TBCD: variants seen among roughly 807,000 people sequenced by gnomAD.
The protein encoded by TBCD is tubulin folding cofactor D.
In TBCD, 105 loss-of-function variants were observed where a neutral mutation model predicts 169.3. The observed-to-expected ratio is 0.62, with a 90% CI of 0.53 to 0.73. The LOEUF is 0.73. TBCD is among the 30% of genes least tolerant of loss of function. The probability of loss-of-function intolerance (pLI) is 0.00; values close to 1 mark genes in which losing one functional copy is unlikely to be tolerated. For synonymous variants in TBCD, 700 were observed against 643.9 expected (o/e 1.09, Z -1.32); for missense variants, 1,444 against 1,600.1 (o/e 0.90, Z 1.66).
chr17:82,904,977 A>G (rs1219969954), intron 19 of TBCD, among the ~76,000 whole-genome samples: 1 of 152,190 alleles, frequency 6.6e-6, no homozygotes, highest in Non-Finnish European at 1.5e-5. Context: ...CAGCCGCCAC[A>G]TCTTAGCCTC....
chr17:82,865,040 A>G (rs1484293819), intron 13 of TBCD, among the ~76,000 whole-genome samples: 1 of 152,208 alleles, frequency 6.6e-6, no homozygotes, highest in East Asian at 1.9e-4. Context: ...TGCTCCCTGC[A>G]GGCAGCTGAG....
At position 82,890,351 on chromosome 17, in the gene TBCD, C is replaced by T. The variant is rs773129833; in HGVS notation, c.1563+654C>T. ...ACCTGGGCGGGGAGCAAAGTTCCCA[C>T]GAGAAGTCAGCCGAGAAGGCTCTGG... On this transcript the variant is annotated intron_variant, in intron 16 of 38. Coordinates refer to ENST00000355528, the MANE Select transcript of TBCD (RefSeq NM_005993.5). The surrounding 1 kb of genome is among the most constrained non-coding windows in gnomAD (Gnocchi z 5.3). 4.6e-5 allele frequency among the ~76,000 whole-genome samples: 7 copies of T among 151,980 alleles called. No individual in the cohort carries two copies. The highest frequency in any genetic ancestry group is 2.1e-4 in the South Asian group (1 of 4,826).
intron 38 of TBCD, 181 bp downstream of exon 38, chr17:82,941,664 C>A: frequency 5.0e-6 from 3 of 594,584 alleles, no homozygotes; most frequent in Non-Finnish European, 8.7e-6. Context: ...ACTGCCCACA[C>A]CTGTGGGCCC....
chr17:82,824,844 G>A (rs2052700959), intron 13 of TBCD, among the ~76,000 whole-genome samples: 1 of 152,158 alleles, frequency 6.6e-6, no homozygotes, highest in Admixed American at 6.5e-5. Context: ...TCAGCTTTTT[G>A]AGAGCTTATC....
At chr17:82,790,570 C>T (rs1159633058) in intron 7 of TBCD, among the ~76,000 whole-genome samples, 3 of 152,294 alleles carry the variant, frequency 2.0e-5, no homozygotes, top group African/African-American at 4.8e-5. Flanking sequence ...CCATGCTCTC[C>T]GTCCTCATGC....
chr17:82,805,808 G>T, intron 9 of TBCD, 67 bp from the exon 10 acceptor site: 1 of 1,540,724 alleles, frequency 6.5e-7, no homozygotes, highest in South Asian at 1.2e-5. Context: ...GACACTGAAT[G>T]ACTGGTTCCA....
Position 82,828,406 on chromosome 17 carries a change from G to GCA in TBCD, c.1318+13480_1318+13481dup, listed in dbSNP as rs1223008663. On this transcript the variant is annotated intron_variant, in intron 13 of 38. Coordinates refer to ENST00000355528, the MANE Select transcript of TBCD (RefSeq NM_005993.5). ...CAGATACATGCACACCCAATCGAAT[G>GCA]CACACACACCCGCAGATATGTACAC... Among the ~76,000 whole-genome samples the GCA allele has an allele frequency of 6.4e-5, 9 of 139,546 alleles. No homozygotes were observed. In the South Asian group the frequency reaches 9.4e-4, roughly 15 times the overall value. The allele number at this position is 139,546 out of a possible 152,430, so 91.5% of individuals were successfully genotyped here. A position where few individuals can be genotyped will look rare whatever the true frequency, so the allele number is the denominator to read the frequency against.
At chr17:82,926,950 C>T in intron 28 of TBCD, 1 of 590,200 alleles carries the variant, frequency 1.7e-6, no homozygotes, top group Admixed American at 3.2e-5. Context: ...GAGGGACCAG[C>T]CGCAGGGGGC....
At chr17:82,779,534 A>T (rs1568120238) in intron 6 of TBCD, among the ~76,000 whole-genome samples, 1 of 152,180 alleles carries the variant, frequency 6.6e-6, no homozygotes, top group East Asian at 1.9e-4. Flanking sequence ...CCTTGCTGTT[A>T]CGAGCAGTTG....
chr17:82,807,620 T>C lies in TBCD; in HGVS notation c.1100T>C (p.Val367Ala). The change falls in exon 11 of 39, where the codon GTC (valine) becomes GCC (alanine). Residue 367 changes from valine to alanine, a missense_variant. Physicochemically the swap from Val to Ala is moderately conservative, Grantham distance 64 (BLOSUM62 0). Transcript: ENST00000355528. ...GVERVIEQLLVGLKDKDTVVR... is the reference protein window; with the variant it reads ...GVERVIEQLLAGLKDKDTVVR... ...CCTCTTCCTACAGAGCAGCTGCTGGTCGGGCTGAAGGACAAGGACACGGTC... is the reference window on the plus strand; with the variant it reads ...CCTCTTCCTACAGAGCAGCTGCTGGCCGGGCTGAAGGACAAGGACACGGTC... 1 of 1,546,094 alleles carries C rather than the reference T, an allele frequency of 6.5e-7. No homozygotes were observed. Among genetic ancestry groups the C allele is most frequent in the Non-Finnish European group, 8.7e-7 (1 of 1,145,144 alleles).
At chr17:82,803,327 T>C (rs1056883961) in intron 9 of TBCD, among the ~76,000 whole-genome samples, 19 of 152,358 alleles carry the variant, frequency 1.2e-4, no homozygotes, top group Middle Eastern at 3.4e-3. Context: ...CCCGTCCTGC[T>C]GGGCCCGGGT....
chr17:82,849,662 G>T (rs1050969582), intron 13 of TBCD, among the ~76,000 whole-genome samples: 9 of 152,238 alleles, frequency 5.9e-5, no homozygotes, highest in African/African-American at 1.2e-4. Flanking sequence ...GTCGCCCCGG[G>T]GGTGGGACTG....
intron 25 of TBCD, 40 bp downstream of exon 25, chr17:82,921,617 G>A (rs75516239): frequency 1.3e-6 from 2 of 1,571,008 alleles, no homozygotes; most frequent in African/African-American, 1.4e-5. Flanking sequence ...CGCTGTGGCG[G>A]TGTTAGTGTG....
At position 82,938,049 on chromosome 17, in the gene TBCD, G is replaced by A. The variant is rs746140154; in HGVS notation, c.3282G>A (p.Val1094=). Residue 1094 remains valine (V), a splice_region_variant and synonymous_variant, in exon 36 of 39, where the codon GTG becomes GTA. Coordinates refer to ENST00000355528, the MANE Select transcript of TBCD (RefSeq NM_005993.5). The part of the protein sequence containing the change: ...DIQKLLSGIA[V]FCEMVQFPGD... ...TGGAGCCATGTGCTGCTCCCGGCAG[G>A]TTCTGCGAGATGGTGCAGTTCCCCG... 1.9e-6 allele frequency: 3 copies of A among 1,613,056 alleles called. No homozygotes were observed. Among genetic ancestry groups the A allele is most frequent in the Non-Finnish European group, 1.7e-6 (2 of 1,179,782 alleles).
At chr17:82,904,157 G>A (rs181529058) in intron 19 of TBCD, among the ~76,000 whole-genome samples, 1 of 148,932 alleles carries the variant, frequency 6.7e-6, no homozygotes, top group African/African-American at 2.5e-5. Flanking sequence ...GTCTCTAGGT[G>A]GCTTCCATCT....
At chr17:82,900,767 T>C (rs771466155) in intron 18 of TBCD, 36 bp downstream of exon 18, 6 of 1,512,870 alleles carry the variant, frequency 4.0e-6, no homozygotes, top group East Asian at 2.3e-5. Flanking sequence ...AAGAGCTTTT[T>C]TTCCCCCCAA....
chr17:82,814,772 C>A (rs889902791), intron 12 of TBCD, 68 bp from the exon 13 acceptor site: 28 of 1,491,306 alleles, frequency 1.9e-5, no homozygotes, highest in Non-Finnish European at 2.6e-5. Context: ...GTGCTCCTTG[C>A]CATGCTGTGG....
chr17:82,892,398 C>T (rs1049457140), intron 16 of TBCD, among the ~76,000 whole-genome samples: 17 of 152,172 alleles, frequency 1.1e-4, no homozygotes, highest in Non-Finnish European at 2.4e-4. Context: ...GTGAAGGATG[C>T]TCATGCTGTC....
At chr17:82,877,763 T>G (rs1158021046) in intron 14 of TBCD, among the ~76,000 whole-genome samples, 1 of 152,252 alleles carries the variant, frequency 6.6e-6, no homozygotes, top group Non-Finnish European at 1.5e-5. Context: ...TCTTAAAACG[T>G]TCGTGCTAAT....
Sources: gnomAD v4.1 joint callset for allele counts (sites outside exome capture counted in the v4.1 genomes callset) on GRCh38, gnomAD v4.1.1 for gene constraint, Gnocchi (gnomAD v3.1) non-coding constraint, MANE v1.5 for transcripts, NCBI Gene and HGNC (gene_info 2026-07-23, HGNC 2026-07-21) for gene names.